Variants in KIAA1210 observed in about 807,000 individuals in gnomAD.
KIAA1210 encodes acrosomal protein KIAA1210.
A neutral mutation model predicts 78.9 loss-of-function variants in KIAA1210; 48 were observed. That is an observed-to-expected ratio of 0.61 (90% CI 0.48 to 0.77). KIAA1210 has a LOEUF of 0.77. Ranked by LOEUF, KIAA1210 falls within the 30% of genes least tolerant of loss-of-function variation. The pLI, the probability that KIAA1210 is intolerant of heterozygous loss-of-function variation, is 0.00. For missense variants in KIAA1210, 1,108 were observed against 1,100.0 expected (o/e 1.01, Z -0.10); for synonymous variants, 406 against 404.5 (o/e 1.00, Z -0.04).
At chrX:119,144,910 A>C (rs1173836562) in intron 2 of KIAA1210, among the ~76,000 whole-genome samples, 1 of 112,259 alleles carries the variant, frequency 8.9e-6, no homozygotes, top group Non-Finnish European at 1.9e-5. Context: ...TAGACTGTGG[A>C]CATGAACCAA....
rs1926852870 is a variant in KIAA1210 at position 119,078,899 on chromosome X, G to T, written c.*2430C>A. Reference sequence around the variant, plus strand: ...AACTGTGGAAAAGAAATTGTTATTGGAGAGTTCTCAGAGTGACAATAACTG... The same window carrying T: ...AACTGTGGAAAAGAAATTGTTATTGTAGAGTTCTCAGAGTGACAATAACTG... On this transcript the variant is annotated 3_prime_UTR_variant, in exon 12 of 12. Transcript: ENST00000691062. The T allele has an allele frequency of 9.0e-6, 1 of 111,615 alleles. No homozygotes were observed. The highest frequency in any genetic ancestry group is 3.9e-4 in the South Asian group (1 of 2,592). The allele number at this position is 111,615 out of a possible 1,213,427, so 9.2% of individuals were successfully genotyped here.
upstream of KIAA1210, among the ~76,000 whole-genome samples, chrX:119,130,303 C>T (rs1446240189): frequency 2.7e-5 from 3 of 112,548 alleles, no homozygotes; most frequent in East Asian, 5.6e-4. Flanking sequence ...CTTTTGTTTT[C>T]TCTGTGTTCC....
At chrX:119,114,938 G>A (rs188355288) in intron 3 of KIAA1210, among the ~76,000 whole-genome samples, 102 of 112,075 alleles carry the variant, frequency 9.1e-4, no homozygotes, top group African/African-American at 3.0e-3. Flanking sequence ...TATTACAACA[G>A]CACTCATTAA....
In KIAA1210 at chrX:119,089,121, T is replaced by A; in HGVS notation, c.1581A>T (p.Glu527Asp). ...AATCAAAGCTGAAAGCTTCTTGATC[T>A]TCTAACTGGATATGAGAAGGATTCA... ...VFMNPSHIQL[E>D]DQEAFSFDLQ... The change falls in exon 9 of 12, where the codon GAA becomes GAT. Residue 527 changes from glutamate to aspartate, a missense_variant. Around this residue, in one of 5 missense-constraint regions of KIAA1210, gnomAD observed 672 missense variants for 607.1 expected, o/e 1.11. Transcript: ENST00000691062. 8.3e-7 allele frequency: 1 copy of A among 1,211,976 alleles called. No homozygotes were observed. The highest frequency in any genetic ancestry group is 1.1e-6 in the Non-Finnish European group (1 of 895,461).
intron 8 of KIAA1210, among the ~76,000 whole-genome samples, chrX:119,090,949 C>T (rs1927349004): frequency 9.0e-6 from 1 of 111,620 alleles, no homozygotes; most frequent in Non-Finnish European, 1.9e-5. Flanking sequence ...TCTGAGAAAG[C>T]CATCACACAA....
exon 1 of KIAA1210, chrX:119,150,315 G>C (rs1472854816): frequency 8.3e-7 from 1 of 1,206,230 alleles, no homozygotes; most frequent in East Asian, 3.0e-5. Flanking sequence ...GTAGGGAATC[G>C]CGGTGTGCAG....
Position 119,108,374 on chromosome X carries a change from G to A in KIAA1210, c.455C>T (p.Thr152Ile), listed in dbSNP as rs972394496. 2 of 1,208,533 alleles carry A rather than the reference G, an allele frequency of 1.7e-6. No homozygotes were observed. The highest frequency in any genetic ancestry group is 3.0e-5 in the East Asian group (1 of 33,723). The change falls in exon 5 of 12, where the codon ACA becomes ATA. Residue 152 changes from threonine (T) to isoleucine (I), a missense_variant. Transcript: ENST00000691062. ...GGGGCCAGCAACCCAGACTGCACTT[G>A]TAGGCACATTTTGAAGCACAGCTCC... ...MSGAVLQNVPTSAVWVAGPKI... is the reference protein window; with the variant it reads ...MSGAVLQNVPISAVWVAGPKI...
chrX:119,117,277 C>T (rs1035756151), intron 2 of KIAA1210, among the ~76,000 whole-genome samples: 11 of 111,949 alleles, frequency 9.8e-5, no homozygotes, highest in African/African-American at 3.6e-4. Context: ...GGGAGATGGC[C>T]GGGAATCAGA....
chrX:119,145,133 A>G (rs1270601027), intron 2 of KIAA1210, among the ~76,000 whole-genome samples: 1 of 112,007 alleles, frequency 8.9e-6, no homozygotes, highest in Non-Finnish European at 1.9e-5. Context: ...CATTTCCATT[A>G]TCACAGAAAC....
In KIAA1210 at chrX:119,081,189, C is replaced by T. The variant is rs1023519710; in HGVS notation, c.*140G>A. The T allele has an allele frequency of 2.1e-4, 87 of 421,555 alleles. No homozygotes were observed. The highest frequency in any genetic ancestry group is 3.0e-4 in the Non-Finnish European group (82 of 277,690). 34.7% of individuals were successfully genotyped at this position (421,555 alleles called of 1,213,427 possible). A position where few individuals can be genotyped will look rare whatever the true frequency, so the allele number is the denominator to read the frequency against. ...GACTGAGGCGGGAGAGTGGCGTGAA[C>T]CCGGGAGGCGGAGCTTGCAGTGAGC... On this transcript the variant is annotated 3_prime_UTR_variant, in exon 12 of 12. Coordinates refer to ENST00000691062, the MANE Select transcript of KIAA1210 (RefSeq NM_001394962.1).
At chrX:119,085,299 A>C in intron 10 of KIAA1210, 84 bp downstream of exon 10, 1 of 899,256 alleles carries the variant, frequency 1.1e-6, no homozygotes, top group Non-Finnish European at 1.6e-6. Context: ...GGGGAGCTGC[A>C]TGTTGGCAAA....
At position 119,087,534 on chromosome X, in the gene KIAA1210, A is replaced by T; in HGVS notation, c.3168T>A (p.Pro1056=). ...PNLPSKSLSK[P]EVKHQVFSDS... ...CTGAGAAAACTTGGTGCTTGACTTC[A>T]GGCTTTGATAAAGATTTGGAAGGAA... The change falls in exon 9 of 12, where the codon CCT becomes CCA. Residue 1056 remains proline, a synonymous_variant. Transcript: ENST00000691062. The T allele has an allele frequency of 8.3e-7, 1 of 1,211,528 alleles. No individual in the cohort carries two copies. Among genetic ancestry groups the T allele is most frequent in the African/African-American group, 1.7e-5 (1 of 57,842 alleles).
chrX:119,124,469 T>C (rs1035196770), intron 1 of KIAA1210, among the ~76,000 whole-genome samples: 9 of 112,476 alleles, frequency 8.0e-5, no homozygotes, highest in African/African-American at 2.9e-4. Flanking sequence ...ACCTGATCTA[T>C]TGTTTTGTGG....
intron 3 of KIAA1210, among the ~76,000 whole-genome samples, chrX:119,112,652 T>C (rs1421862320): frequency 8.9e-6 from 1 of 111,872 alleles, no homozygotes; most frequent in Non-Finnish European, 1.9e-5. Flanking sequence ...ATGGCTAGAA[T>C]GAAAAATTCA....
chrX:119,120,947 T>C (rs1028494081), intron 2 of KIAA1210, among the ~76,000 whole-genome samples: 13 of 111,013 alleles, frequency 1.2e-4, no homozygotes, highest in South Asian at 3.9e-4. Flanking sequence ...TTGCCAGACA[T>C]ACAATGTCAG....
At chrX:119,120,819 T>C (rs1187945385) in intron 2 of KIAA1210, among the ~76,000 whole-genome samples, 1 of 111,915 alleles carries the variant, frequency 8.9e-6, no homozygotes, top group Non-Finnish European at 1.9e-5. Context: ...GTGGTATAGC[T>C]TTGTTAGCAG....
upstream of KIAA1210, chrX:119,150,601 GTC>G: frequency 8.5e-7 from 1 of 1,183,082 alleles, no homozygotes; most frequent in Non-Finnish European, 1.1e-6. Context: ...GAGTTGACCT[GTC>G]TCTGTGTCCC....
At position 119,080,196 on chromosome X, in the gene KIAA1210, A is replaced by G. The variant is rs1016482039; in HGVS notation, c.*1133T>C. ...TATTGGGACAAGAAGCAAAACATTG[A>G]TGGACTAACCCTCCAGAGGAGTAAG... On this transcript the variant is annotated 3_prime_UTR_variant, in exon 12 of 12. Coordinates refer to ENST00000691062, the MANE Select transcript of KIAA1210 (RefSeq NM_001394962.1). 8.9e-6 allele frequency: 1 copy of G among 111,986 alleles called. No homozygotes were observed. Among genetic ancestry groups the G allele is most frequent in the African/African-American group, 3.3e-5 (1 of 30,744 alleles). 9.2% of individuals were successfully genotyped at this position (111,986 alleles called of 1,213,427 possible).
chrX:119,081,562 G>A lies in KIAA1210; in HGVS notation c.4427-58C>T, dbSNP rs1926969850. On this transcript the variant is annotated intron_variant, in intron 11 of 11. Coordinates refer to ENST00000691062, the MANE Select transcript of KIAA1210 (RefSeq NM_001394962.1). ...AGGAACCCCAGCGATATTGGGGTAT[G>A]TTGTTTATGGAATGCCATATAATGT... 4.7e-6 allele frequency: 5 copies of A among 1,060,663 alleles called. No homozygotes were observed. The Admixed American group carries it at 9.8e-5, about 21-fold the overall frequency. The allele number at this position is 1,060,663 out of a possible 1,213,427, so 87.4% of individuals were successfully genotyped here.
Sources: allele counts gnomAD v4.1 joint callset (sites outside exome capture counted in the v4.1 genomes callset), GRCh38; gene constraint gnomAD v4.1.1; regional missense constraint gnomAD v4.1.1; transcripts MANE v1.5; gene names NCBI Gene and HGNC (gene_info 2026-07-23, HGNC 2026-07-21).